The following GGNBP2 variants were observed in gnomAD, a reference collection of about 807,000 sequenced individuals.
The protein encoded by GGNBP2 is gametogenetin-binding protein 2.
GGNBP2 carries 10 observed loss-of-function variants against 85.9 expected under a neutral mutation model. The ratio of observed to expected loss-of-function variants is 0.12; its 90% CI spans 0.07 to 0.20. The LOEUF is 0.20. GGNBP2 is among the 10% of genes least tolerant of loss of function. The pLI, the probability that GGNBP2 is intolerant of heterozygous loss-of-function variation, is 1.00. For missense variants in GGNBP2, 595 were observed against 857.8 expected (o/e 0.69, Z 3.83); for synonymous variants, 287 against 285.7 (o/e 1.00, Z -0.05).
chr17:36,571,753 G>A (rs553242477), intron 6 of GGNBP2, among the ~76,000 whole-genome samples: 1 of 152,316 alleles, frequency 6.6e-6, no homozygotes, highest in African/African-American at 2.4e-5. Context: ...TGAGGCAGGA[G>A]AATGGCGTGA....
rs200678019 is a variant in GGNBP2 at position 36,585,794 on chromosome 17, T to C, written c.1367-46T>C. 4.1e-5 allele frequency: 64 copies of C among 1,552,922 alleles called. 1 individual carries two copies. The South Asian group carries it at 6.7e-4, about 16-fold the overall frequency. ...AAAGAGTTCACTCTTTGTCCTAATATACTTATTGGTATGTTAATAGTAACT... is the reference window on the plus strand; with the variant it reads ...AAAGAGTTCACTCTTTGTCCTAATACACTTATTGGTATGTTAATAGTAACT... On this transcript the variant is annotated intron_variant, in intron 10 of 13. Coordinates refer to ENST00000613102, the MANE Select transcript of GGNBP2 (RefSeq NM_024835.5).
At chr17:36,579,010 A>G (rs1332724881) in intron 7 of GGNBP2, 75 of 460,738 alleles carry the variant, frequency 1.6e-4, no homozygotes, top group Non-Finnish European at 1.6e-5. Flanking sequence ...TTTTAGAGCC[A>G]GTTCCTGAAT....
intron 2 of GGNBP2, among the ~76,000 whole-genome samples, chr17:36,552,795 C>G (rs1357485495): frequency 6.6e-6 from 1 of 152,046 alleles, no homozygotes; most frequent in Non-Finnish European, 1.5e-5. Flanking sequence ...CCGAGGCAGG[C>G]AGATTGCCTG....
chr17:36,585,307 A>G lies in GGNBP2; in HGVS notation c.1223A>G (p.Asp408Gly). Reference protein sequence around the residue: ...EKEVSQEKETDFIENSSCKAC... With the variant: ...EKEVSQEKETGFIENSSCKAC... ...TAATGTTGATCCTTAAAGGAAACAG[A>G]CTTCATAGAAAATAGCAGCTGCAAA... Residue 408 changes from aspartate to glycine, a missense_variant, in exon 10 of 14, where the codon GAC becomes GGC. Transcript: ENST00000613102. 6.2e-7 allele frequency: 1 copy of G among 1,611,962 alleles called. No individual in the cohort carries two copies. The highest frequency in any genetic ancestry group is 8.5e-7 in the Non-Finnish European group (1 of 1,179,226).
At chr17:36,546,194 C>T (rs965026017) in intron 2 of GGNBP2, 6 of 387,976 alleles carry the variant, frequency 1.5e-5, no homozygotes, top group Non-Finnish European at 2.7e-5. Flanking sequence ...GCTTAATTAC[C>T]TGGTAATGTC....
chr17:36,576,088 A>G (rs938302390), intron 6 of GGNBP2, among the ~76,000 whole-genome samples: 6 of 145,948 alleles, frequency 4.1e-5, no homozygotes, highest in African/African-American at 1.5e-4. Flanking sequence ...TTGTAATCCC[A>G]ACACTTTGGG....
rs548219660 is a variant in GGNBP2, at chr17:36,565,626, G to T, written c.528-2037G>T. Among the ~76,000 whole-genome samples, 56 of 152,066 alleles carry T rather than the reference G, an allele frequency of 3.7e-4. 1 individual carries two copies. Among genetic ancestry groups the T allele is most frequent in the Non-Finnish European group, 5.4e-4 (37 of 68,010 alleles). The stretch of plus-strand genomic sequence containing the variant: ...ATAGTTAATAAAAGGGGCTGGGCGG[G>T]GTGGCTCACACTGGTAATCCCAGCA... On this transcript the variant is annotated intron_variant, in intron 5 of 13. Coordinates refer to ENST00000613102, the MANE Select transcript of GGNBP2 (RefSeq NM_024835.5).
At chr17:36,565,012 A>G (rs1052933872) in intron 5 of GGNBP2, among the ~76,000 whole-genome samples, 5 of 152,224 alleles carry the variant, frequency 3.3e-5, no homozygotes, top group African/African-American at 1.2e-4. Context: ...CTAAAGGGAA[A>G]GAGAGTAAAA....
intron 9 of GGNBP2, chr17:36,581,987 C>T (rs918898398): frequency 6.6e-6 from 1 of 152,238 alleles, no homozygotes; most frequent in Non-Finnish European, 1.5e-5. Context: ...ATGTCATCTT[C>T]CCACCTCAGC....
In GGNBP2 at chr17:36,587,080, C is replaced by T. The variant is rs368790138; in HGVS notation, c.1725C>T (p.Asp575=). 9.9e-6 allele frequency: 16 copies of T among 1,613,958 alleles called. No individual in the cohort carries two copies. In the African/African-American group the frequency reaches 2.0e-4, roughly 20 times the overall value. The change falls in exon 13 of 14, where the codon GAC becomes GAT. Residue 575 remains aspartate (D), a synonymous_variant. Transcript: ENST00000613102. ...CCATGCACACAGTGTTTCACCGTGA[C>T]AAGACCAAAGATACACATCCTGAAA... ...GNTMHTVFHR[D]KTKDTHPESC... is the part of the protein sequence containing the mutation.
At chr17:36,562,537 T>G (rs2142724701) in intron 5 of GGNBP2, among the ~76,000 whole-genome samples, 1 of 151,268 alleles carries the variant, frequency 6.6e-6, no homozygotes, top group South Asian at 2.1e-4. Context: ...TTTTTTTTTT[T>G]GACCTGAACT....
intron 12 of GGNBP2, 88 bp downstream of exon 12, chr17:36,586,286 T>A (rs1411997802): frequency 6.8e-6 from 10 of 1,476,466 alleles, no homozygotes; most frequent in Non-Finnish European, 8.9e-6. Flanking sequence ...GCAGCTTAGC[T>A]GCTAGGATTT....
intron 5 of GGNBP2, among the ~76,000 whole-genome samples, chr17:36,563,969 C>T (rs978065377): frequency 6.6e-6 from 1 of 152,200 alleles, no homozygotes; most frequent in South Asian, 2.1e-4. Flanking sequence ...GTCTCGAACT[C>T]CTGACCTCAG....
intron 2 of GGNBP2, among the ~76,000 whole-genome samples, chr17:36,549,980 T>TA: frequency 6.6e-6 from 1 of 151,874 alleles, no homozygotes; most frequent in Admixed American, 6.6e-5. Flanking sequence ...CTGTGTCACC[T>TA]AGGCTGGAGT....
intron 5 of GGNBP2, among the ~76,000 whole-genome samples, chr17:36,564,439 CTA>C (rs2074449448): frequency 6.6e-6 from 1 of 152,172 alleles, no homozygotes; most frequent in Non-Finnish European, 1.5e-5. Flanking sequence ...CTCTGTTTTC[CTA>C]TCTTTCAGCT....
At position 36,581,510 on chromosome 17, in the gene GGNBP2, C is replaced by T. The variant is rs768078656; in HGVS notation, c.1187C>T (p.Ala396Val). 9.2e-5 allele frequency: 148 copies of T among 1,608,886 alleles called. No homozygotes were observed. In the South Asian group the frequency reaches 1.3e-3, roughly 14 times the overall value. The change falls in exon 9 of 14, where the codon GCA becomes GTA. Residue 396 changes from alanine to valine, a missense_variant. This residue lies in a region of GGNBP2 where 85 missense variants were observed against 92.6 expected (regional missense o/e 0.92). Transcript: ENST00000613102. ...VCDIPTPLQTADEKEVSQEKE... is the reference protein window; with the variant it reads ...VCDIPTPLQTVDEKEVSQEKE... ...GATATTCCTACTCCCTTACAAACAG[C>T]AGATGAAAAGGAAGTAAGCCAAGAG...
chr17:36,569,973 ATAAT>A (rs1321041136), intron 6 of GGNBP2, among the ~76,000 whole-genome samples: 1 of 152,238 alleles, frequency 6.6e-6, no homozygotes, highest in East Asian at 1.9e-4. Context: ...GAGAGTAATA[ATAAT>A]TAAGGCAGTG....
At chr17:36,583,682 C>T (rs1023496763) in intron 9 of GGNBP2, among the ~76,000 whole-genome samples, 4 of 152,006 alleles carry the variant, frequency 2.6e-5, no homozygotes, top group Non-Finnish European at 4.4e-5. Context: ...AGGCTGGTCT[C>T]GAACTCCTGA....
At chr17:36,576,469 G>T (rs1487528295) in intron 6 of GGNBP2, among the ~76,000 whole-genome samples, 1 of 118,088 alleles carries the variant, frequency 8.5e-6, no homozygotes, top group Non-Finnish European at 1.7e-5. Context: ...CAGGAGAATC[G>T]CTTGAACCCA....
Sources: gnomAD v4.1 joint callset for allele counts (sites outside exome capture counted in the v4.1 genomes callset) on GRCh38, gnomAD v4.1.1 for gene constraint, gnomAD v4.1.1 regional missense constraint, MANE v1.5 for transcripts, NCBI Gene and HGNC (gene_info 2026-07-23, HGNC 2026-07-21) for gene names.